Variants in NBEA observed in about 807,000 individuals in gnomAD.
NBEA encodes the protein lysosomal-trafficking regulator 2.
In NBEA, 44 loss-of-function variants were observed where a neutral mutation model predicts 343.4. That is an observed-to-expected ratio of 0.13 (90% CI 0.10 to 0.16). The LOEUF is 0.16. Among genes scored for constraint, NBEA ranks in the 10% least tolerant of loss-of-function variants. The pLI is 1.00. For missense variants in NBEA, 2,555 were observed against 3,631.3 expected (o/e 0.70, Z 7.62); for synonymous variants, 1,175 against 1,238.7 (o/e 0.95, Z 1.08).
intron 38 of NBEA, among the ~76,000 whole-genome samples, chr13:35,365,462 A>T (rs2152878040): frequency 6.6e-6 from 1 of 151,830 alleles, no homozygotes; most frequent in East Asian, 1.9e-4. Flanking sequence ...AGGCTATCAC[A>T]GTCTCTTAGT....
intron 27 of NBEA, 87 bp downstream of exon 27, chr13:35,173,681 C>CTCTCTA: frequency 3.7e-6 from 5 of 1,335,506 alleles, no homozygotes; most frequent in Non-Finnish European, 5.1e-6. Flanking sequence ...CATGGTATTG[C>CTCTCTA]TCAGTGATAG....
At chr13:35,479,385 GC>G (rs1408408036) in intron 41 of NBEA, among the ~76,000 whole-genome samples, 1 of 152,140 alleles carries the variant, frequency 6.6e-6, no homozygotes, top group East Asian at 1.9e-4. Context: ...GAAATGAATT[GC>G]CTTCTGTAGC....
chr13:35,596,901 A>G (rs1393562676), intron 47 of NBEA, among the ~76,000 whole-genome samples: 5 of 142,362 alleles, frequency 3.5e-5, no homozygotes, highest in Admixed American at 1.4e-4. Context: ...CAGTCTTTTG[A>G]AAAAAAAAAA....
chr13:35,063,173 A>G (rs1370706475), intron 8 of NBEA, among the ~76,000 whole-genome samples: 1 of 152,030 alleles, frequency 6.6e-6, no homozygotes, highest in Non-Finnish European at 1.5e-5. Context: ...ACAAATAATT[A>G]GCCTTCACTA....
chr13:35,307,304 A>G (rs1287079981), intron 35 of NBEA, among the ~76,000 whole-genome samples: 1 of 152,000 alleles, frequency 6.6e-6, no homozygotes, highest in African/African-American at 2.4e-5. Context: ...AAACTGACAA[A>G]TTACTCTTCT....
intron 47 of NBEA, among the ~76,000 whole-genome samples, chr13:35,601,409 A>G (rs756936927): frequency 5.3e-5 from 8 of 152,176 alleles, no homozygotes; most frequent in Admixed American, 2.0e-4. Context: ...GCATACAACA[A>G]TAAATAGAGA....
intron 41 of NBEA, among the ~76,000 whole-genome samples, chr13:35,528,492 C>T (rs1346957799): frequency 1.3e-5 from 2 of 152,132 alleles, no homozygotes; most frequent in African/African-American, 2.4e-5. Flanking sequence ...TGAATATTTA[C>T]TGTATTGGGA....
intron 38 of NBEA, among the ~76,000 whole-genome samples, chr13:35,429,925 C>A (rs143875612): frequency 0.052 from 7,854 of 151,810 alleles, 399 homozygotes; most frequent in African/African-American, 0.14. Context: ...TATAAACATG[C>A]ATGTGCAAGT....
intron 49 of NBEA, among the ~76,000 whole-genome samples, chr13:35,635,235 T>C (rs2083645920): frequency 1.3e-5 from 2 of 152,132 alleles, no homozygotes; most frequent in African/African-American, 2.4e-5. Flanking sequence ...TCCCCCCATT[T>C]CTGATTCTCT....
chr13:35,435,559 G>T (rs1388736107), intron 39 of NBEA, among the ~76,000 whole-genome samples: 7 of 151,770 alleles, frequency 4.6e-5, no homozygotes, highest in Non-Finnish European at 8.8e-5. Context: ...GGTGGGGGGG[G>T]CGTGTAGATG....
At chr13:35,278,376 A>G (rs560139922) in intron 34 of NBEA, among the ~76,000 whole-genome samples, 2 of 152,250 alleles carry the variant, frequency 1.3e-5, no homozygotes, top group Admixed American at 6.5e-5. Context: ...TGGCAATACA[A>G]TGCAATGTAA....
intron 38 of NBEA, among the ~76,000 whole-genome samples, chr13:35,428,086 T>G (rs1455539150): frequency 6.6e-6 from 1 of 152,206 alleles, no homozygotes; most frequent in Non-Finnish European, 1.5e-5. Context: ...ACTTCCCAGG[T>G]GAGGCAATGC....
At chr13:35,484,468 G>T (rs762619633) in intron 41 of NBEA, among the ~76,000 whole-genome samples, 5 of 151,532 alleles carry the variant, frequency 3.3e-5, no homozygotes, top group African/African-American at 1.2e-4. Flanking sequence ...CATTTGTTTT[G>T]CTCTCCACGC....
intron 17 of NBEA, among the ~76,000 whole-genome samples, chr13:35,139,713 G>T (rs1443000846): frequency 7.2e-6 from 1 of 138,840 alleles, no homozygotes; most frequent in East Asian, 2.2e-4. Flanking sequence ...CAGGGCCAGT[G>T]CACCATTTCC....
At chr13:35,121,483 GT>G (rs111380752) in intron 16 of NBEA, among the ~76,000 whole-genome samples, 196 of 141,110 alleles carry the variant, frequency 1.4e-3, no homozygotes, top group African/African-American at 2.3e-3. Flanking sequence ...TCTTGAATGT[GT>G]TTTTTTTTTT....
At chr13:35,026,296 A>G (rs755332784) in intron 1 of NBEA, among the ~76,000 whole-genome samples, 5 of 152,168 alleles carry the variant, frequency 3.3e-5, no homozygotes, top group African/African-American at 9.7e-5. Flanking sequence ...TAAATTGCCC[A>G]GTCTCAGGTA....
intron 34 of NBEA, among the ~76,000 whole-genome samples, chr13:35,265,168 A>T (rs1298771602): frequency 1.3e-5 from 2 of 151,932 alleles, no homozygotes; most frequent in African/African-American, 4.8e-5. Context: ...ATGCTTAGGA[A>T]TGTGTTTAAA....
intron 41 of NBEA, among the ~76,000 whole-genome samples, chr13:35,489,244 C>G (rs944256194): frequency 6.6e-6 from 1 of 151,774 alleles, no homozygotes; most frequent in Non-Finnish European, 1.5e-5. Flanking sequence ...GAAACATTCT[C>G]AAGTGAAGAG....
chr13:35,494,847 A>G (rs140870156), intron 41 of NBEA, among the ~76,000 whole-genome samples: 1 of 151,804 alleles, frequency 6.6e-6, no homozygotes, highest in African/African-American at 2.4e-5. Flanking sequence ...CCATCTCTAC[A>G]AAAAATAGAA....
Sources: allele counts gnomAD v4.1 joint callset (sites outside exome capture counted in the v4.1 genomes callset), GRCh38; gene constraint gnomAD v4.1.1; transcripts MANE v1.5; gene names NCBI Gene and HGNC (gene_info 2026-07-23, HGNC 2026-07-21).